Variants in DTNBP1 observed in about 807,000 individuals in gnomAD.
DTNBP1 encodes dysbindin.
Under a neutral mutation model 42.8 loss-of-function variants are expected in DTNBP1, and 35 were observed. The observed-to-expected ratio is 0.82, with a 90% CI of 0.63 to 1.09. DTNBP1 has a LOEUF of 1.09. DTNBP1 is among the 50% of genes least tolerant of loss of function. The probability of loss-of-function intolerance (pLI) is 0.00; values close to 1 mark genes in which losing one functional copy is unlikely to be tolerated. For missense variants in DTNBP1, 457 were observed against 424.2 expected, an observed-to-expected ratio of 1.08 and a Z score of -0.68; for synonymous variants, 171 against 162.2, an observed-to-expected ratio of 1.05 and a Z score of -0.41.
intron 4 of DTNBP1, among the ~76,000 whole-genome samples, chr6:15,635,460 T>C (rs986672276): frequency 1.3e-5 from 2 of 152,162 alleles, no homozygotes; most frequent in Non-Finnish European, 2.9e-5. Flanking sequence ...GAATGGATTA[T>C]TATCTTGCTT....
Position 15,533,609 on chromosome 6 carries a change from G to A in DTNBP1, c.512-214C>T, listed in dbSNP as rs116647843. On this transcript the variant is annotated intron_variant, in intron 7 of 9. Transcript: ENST00000344537. ...CTGGGCGGTCAGGGTCAGGCCCTTC[G>A]TTCCACACCTTTGCATGTGCTGTTC... The A allele has an allele frequency of 0.014, 10,413 of 735,666 alleles. 101 individuals carry two copies. The highest frequency in any genetic ancestry group is 0.02 in the Non-Finnish European group (8,273 of 419,064). 45.6% of individuals were successfully genotyped at this position (735,666 alleles called of 1,614,324 possible). A position where few individuals can be genotyped will look rare whatever the true frequency, so the allele number is the denominator to read the frequency against.
chr6:15,534,179 G>A (rs76103367), intron 7 of DTNBP1, among the ~76,000 whole-genome samples: 1,880 of 152,308 alleles, frequency 0.012, 39 homozygotes, highest in African/African-American at 0.042. Context: ...GGGAGAGGGC[G>A]TGGGAGCTTA....
chr6:15,581,831 T>G (rs1775854358), intron 7 of DTNBP1, among the ~76,000 whole-genome samples: 1 of 152,084 alleles, frequency 6.6e-6, no homozygotes, highest in Non-Finnish European at 1.5e-5. Context: ...ATAGAGAAGA[T>G]TTGACTTTAA....
chr6:15,587,150 T>C lies in DTNBP1; in HGVS notation c.511+5909A>G, dbSNP rs1326138438. ...TCTTACAGATACTGCAAATTTAACATGCTCATGGTGAAATTCACTCAATAA... is the reference window on the plus strand; with the variant it reads ...TCTTACAGATACTGCAAATTTAACACGCTCATGGTGAAATTCACTCAATAA... On this transcript the variant is annotated intron_variant, in intron 7 of 9. Transcript: ENST00000344537. The surrounding 1 kb of genome is among the most constrained non-coding windows in gnomAD (Gnocchi z 4.1). Among the ~76,000 whole-genome samples, 1 of 152,166 alleles carries C rather than the reference T, an allele frequency of 6.6e-6. No individual in the cohort carries two copies. The highest frequency in any genetic ancestry group is 1.9e-4 in the East Asian group (1 of 5,200).
At position 15,523,067 on chromosome 6, in the gene DTNBP1, C is replaced by T. The variant is rs368759511; in HGVS notation, c.964G>A (p.Asp322Asn). The change falls in exon 10 of 10, where the codon GAT becomes AAT. Residue 322 changes from aspartate to asparagine, a missense_variant. Coordinates refer to ENST00000344537, the MANE Select transcript of DTNBP1 (RefSeq NM_032122.5). Reference sequence around the variant, plus strand: ...GTGTCCACCTGAACTTCCTCCTCATCGGACTGAACAACGGGGGACTCCCCA... The same window carrying T: ...GTGTCCACCTGAACTTCCTCCTCATTGGACTGAACAACGGGGGACTCCCCA... ...EGGESPVVQS[D>N]EEEVQVDTAL... The T allele has an allele frequency of 4.2e-5, 67 of 1,614,072 alleles. No individual in the cohort carries two copies. In the Admixed American group the frequency reaches 4.3e-4, roughly 10 times the overall value.
chr6:15,570,005 A>G (rs1409043664), intron 7 of DTNBP1, among the ~76,000 whole-genome samples: 1 of 151,920 alleles, frequency 6.6e-6, no homozygotes, highest in Non-Finnish European at 1.5e-5. Flanking sequence ...TTCTCTGTAT[A>G]TGTGCATGCG....
intron 6 of DTNBP1, among the ~76,000 whole-genome samples, chr6:15,613,353 C>CT (rs1758531466): frequency 1.0e-5 from 1 of 99,438 alleles, no homozygotes; most frequent in Non-Finnish European, 2.0e-5. Flanking sequence ...TTGACACGGA[C>CT]CCCATTTTTT....
At chr6:15,532,696 TC>T (rs1772935367) in intron 8 of DTNBP1, among the ~76,000 whole-genome samples, 1 of 104,074 alleles carries the variant, frequency 9.6e-6, no homozygotes, top group Non-Finnish European at 1.9e-5. Flanking sequence ...GTGTTTGTAA[TC>T]TTTTTTTTTT....
At chr6:15,663,058 G>A (rs898925112), upstream of DTNBP1, 2 of 705,222 alleles carry the variant, frequency 2.8e-6, no homozygotes, top group African/African-American at 1.9e-5. Context: ...CCCCGCGCGC[G>A]CCAGGCTCGC....
At chr6:15,634,162 TTTAGA>T (rs1045441470) in intron 4 of DTNBP1, among the ~76,000 whole-genome samples, 1 of 146,960 alleles carries the variant, frequency 6.8e-6, no homozygotes, top group African/African-American at 2.6e-5. Context: ...AAATATGCCC[TTTAGA>T]TTAATCTAGA....
chr6:15,652,282 TGATCCTCCC>T, intron 1 of DTNBP1, 142 bp from the exon 2 acceptor site: 2 of 588,968 alleles, frequency 3.4e-6, no homozygotes, highest in South Asian at 5.4e-5. Context: ...TGGGCCCAAG[TGATCCTCCC>T]ACCTCATCCT....
At chr6:15,579,856 A>G (rs1367273155) in intron 7 of DTNBP1, 5 of 455,678 alleles carry the variant, frequency 1.1e-5, no homozygotes, top group Non-Finnish European at 2.2e-5. Flanking sequence ...CTCAATGCAA[A>G]GAAATGTTTG....
At chr6:15,630,971 G>C (rs1289172057) in intron 4 of DTNBP1, among the ~76,000 whole-genome samples, 1 of 152,136 alleles carries the variant, frequency 6.6e-6, no homozygotes, top group Non-Finnish European at 1.5e-5. Context: ...ACAGTTGCTT[G>C]TTTTATAAAC....
In DTNBP1 at chr6:15,659,702, G is replaced by A. The variant is rs569610042; in HGVS notation, c.56+3112C>T. ...CAAGTAGCTGGAATTACAGACGCAC[G>A]CCACCATGGCCAGCTAATTTTTGTA... On this transcript the variant is annotated intron_variant, in intron 1 of 9. Transcript: ENST00000344537. Among the ~76,000 whole-genome samples the A allele has an allele frequency of 2.2e-3, 333 of 151,904 alleles. 2 individuals are homozygous for A. The highest frequency in any genetic ancestry group is 7.7e-3 in the African/African-American group (317 of 41,394).
At chr6:15,614,440 G>A (rs890073793) in intron 6 of DTNBP1, among the ~76,000 whole-genome samples, 2 of 151,952 alleles carry the variant, frequency 1.3e-5, no homozygotes, top group Non-Finnish European at 2.9e-5. Context: ...CATGACTTCC[G>A]CTTCCTCCCA....
intron 4 of DTNBP1, among the ~76,000 whole-genome samples, chr6:15,635,432 C>A (rs543266884): frequency 6.6e-6 from 1 of 152,038 alleles, no homozygotes; most frequent in Non-Finnish European, 1.5e-5. Context: ...TTCTGTAGCT[C>A]CAGTATGAGG....
rs1775885712 is a variant in DTNBP1, at chr6:15,582,524, AC to A, written c.511+10534del. Among the ~76,000 whole-genome samples the A allele has an allele frequency of 3.3e-5, 5 of 152,328 alleles. No homozygotes were observed. The South Asian group carries it at 8.3e-4, about 25-fold the overall frequency. On this transcript the variant is annotated intron_variant, in intron 7 of 9. Coordinates refer to ENST00000344537, the MANE Select transcript of DTNBP1 (RefSeq NM_032122.5). ...GAAATAAACAGAATTATACTTATAT[AC>A]CTATAATGGTATGACTGATATTCTG...
At chr6:15,576,135 T>C (rs1477751851) in intron 7 of DTNBP1, among the ~76,000 whole-genome samples, 1 of 151,858 alleles carries the variant, frequency 6.6e-6, no homozygotes, top group Non-Finnish European at 1.5e-5. Flanking sequence ...CCTTTTTTTT[T>C]TGAGACAGAG....
intron 4 of DTNBP1, among the ~76,000 whole-genome samples, chr6:15,627,695 T>C (rs928128916): frequency 2.0e-5 from 3 of 151,872 alleles, no homozygotes; most frequent in South Asian, 4.2e-4. Context: ...CAGTGCATCT[T>C]AACCCACAGA....
Sources: gnomAD v4.1 joint callset for allele counts (sites outside exome capture counted in the v4.1 genomes callset) on GRCh38, gnomAD v4.1.1 for gene constraint, Gnocchi (gnomAD v3.1) non-coding constraint, MANE v1.5 for transcripts, NCBI Gene and HGNC (gene_info 2026-07-23, HGNC 2026-07-21) for gene names.